Variants in CTNNA3 observed in about 807,000 individuals in gnomAD.
CTNNA3 encodes the protein catenin alpha-3.
A neutral mutation model predicts 95.7 loss-of-function variants in CTNNA3; 76 were observed. That is an observed-to-expected ratio of 0.79 (90% CI 0.66 to 0.96). The LOEUF (loss-of-function observed/expected upper bound fraction) is 0.96, where lower values mean the gene tolerates loss of function less well. Ranked by LOEUF, CTNNA3 falls within the 40% of genes least tolerant of loss-of-function variation. CTNNA3 has a pLI of 0.00. For missense variants in CTNNA3, 1,191 were observed against 1,089.8 expected (o/e 1.09, Z -1.31); for synonymous variants, 431 against 374.4 (o/e 1.15, Z -1.74).
At chr10:66,033,128 TTTTTTTC>T (rs1234608455) in intron 15 of CTNNA3, among the ~76,000 whole-genome samples, 1 of 68,002 alleles carries the variant, frequency 1.5e-5, no homozygotes, top group Non-Finnish European at 3.2e-5. Flanking sequence ...TTTTTTTTTC[TTTTTTTC>T]TTTTTTTTTT....
chr10:66,453,557 C>A (rs72791554), intron 11 of CTNNA3, among the ~76,000 whole-genome samples: 40,334 of 152,102 alleles, frequency 0.27, 5,514 homozygotes, highest in South Asian at 0.39. Flanking sequence ...TGATTGTGAA[C>A]CCCTGGCATC....
chr10:67,213,413 T>C (rs1280361711), intron 6 of CTNNA3, among the ~76,000 whole-genome samples: 1 of 151,880 alleles, frequency 6.6e-6, no homozygotes, highest in East Asian at 1.9e-4. Flanking sequence ...TTGGCTTTGT[T>C]GAACTTCTCT....
At chr10:67,271,477 T>C (rs1838971719) in intron 5 of CTNNA3, among the ~76,000 whole-genome samples, 1 of 152,180 alleles carries the variant, frequency 6.6e-6, no homozygotes, top group African/African-American at 2.4e-5. Context: ...TCCAGCAATG[T>C]GGAACTGTGA....
In CTNNA3 at chr10:67,437,388, T is replaced by C. The variant is rs191205157; in HGVS notation, c.579+84454A>G. 2.1e-3 allele frequency among the ~76,000 whole-genome samples: 322 copies of C among 152,214 alleles called. 2 individuals are homozygous for C. Among genetic ancestry groups the C allele is most frequent in the Middle Eastern group, 6.8e-3 (2 of 294 alleles). On this transcript the variant is annotated intron_variant, in intron 5 of 17. Transcript: ENST00000433211. ...GGTGCAGTGTATACTGCTTGGGTGA[T>C]GGGTGCACCAAAATCTCACAAATCA...
chr10:66,481,748 G>A (rs1364271769), intron 11 of CTNNA3, among the ~76,000 whole-genome samples: 1 of 134,462 alleles, frequency 7.4e-6, no homozygotes, highest in Non-Finnish European at 1.5e-5. Context: ...TGGGATTACA[G>A]GCGTGAGCCA....
chr10:67,255,465 T>A (rs1866308296), intron 5 of CTNNA3, among the ~76,000 whole-genome samples: 2 of 152,202 alleles, frequency 1.3e-5, no homozygotes, highest in Non-Finnish European at 2.9e-5. Flanking sequence ...ATGTTTCTTC[T>A]ATGTATTACA....
At chr10:66,180,530 C>T (rs1319435796) in intron 13 of CTNNA3, among the ~76,000 whole-genome samples, 4 of 152,002 alleles carry the variant, frequency 2.6e-5, no homozygotes, top group Non-Finnish European at 5.9e-5. Flanking sequence ...AGATACAAAA[C>T]CAATTTCTCC....
intron 10 of CTNNA3, among the ~76,000 whole-genome samples, chr10:66,603,285 C>A (rs1348287880): frequency 1.3e-5 from 2 of 151,946 alleles, no homozygotes; most frequent in African/African-American, 4.8e-5. Flanking sequence ...AGTGTGTCTG[C>A]AAACTAACAG....
intron 5 of CTNNA3, among the ~76,000 whole-genome samples, chr10:67,433,234 G>GGA (rs1227562471): frequency 6.6e-6 from 1 of 151,988 alleles, no homozygotes; most frequent in Non-Finnish European, 1.5e-5. Flanking sequence ...GGAGGCCCAA[G>GGA]GAGAGAGACA....
intron 1 of CTNNA3, among the ~76,000 whole-genome samples, chr10:67,731,396 G>A (rs1194028155): frequency 6.6e-6 from 1 of 152,064 alleles, no homozygotes; most frequent in African/African-American, 2.4e-5. Flanking sequence ...CAGCAGAATC[G>A]GTTGAACCTG....
At chr10:67,199,036 AAAT>A (rs1166641155) in intron 6 of CTNNA3, among the ~76,000 whole-genome samples, 1 of 152,038 alleles carries the variant, frequency 6.6e-6, no homozygotes, top group East Asian at 1.9e-4. Flanking sequence ...GATGTAAAAA[AAAT>A]AAGGTAAAGG....
At chr10:67,602,279 T>C (rs1297780796) in intron 3 of CTNNA3, among the ~76,000 whole-genome samples, 1 of 152,206 alleles carries the variant, frequency 6.6e-6, no homozygotes, top group Non-Finnish European at 1.5e-5. Context: ...CCATTCTTCT[T>C]ATACTTCAAC....
chr10:67,202,772 T>C (rs192118224), intron 6 of CTNNA3, among the ~76,000 whole-genome samples: 26 of 152,134 alleles, frequency 1.7e-4, no homozygotes, highest in African/African-American at 4.8e-4. Flanking sequence ...AAAACTGTAA[T>C]ATCACTTTAC....
intron 13 of CTNNA3, among the ~76,000 whole-genome samples, chr10:66,252,568 T>C (rs997593869): frequency 9.9e-5 from 15 of 152,216 alleles, no homozygotes; most frequent in Non-Finnish European, 2.1e-4. Flanking sequence ...ATCAATGCTA[T>C]CATGTACAGG....
At chr10:67,314,981 A>T (rs1442261162) in intron 5 of CTNNA3, among the ~76,000 whole-genome samples, 3 of 152,272 alleles carry the variant, frequency 2.0e-5, no homozygotes, top group Middle Eastern at 3.4e-3. Context: ...TTTGTCCTTG[A>T]GATTTCAAGT....
intron 4 of CTNNA3, 126 bp downstream of exon 4, chr10:67,539,377 G>C (rs543808717): frequency 1.0e-6 from 1 of 978,390 alleles, no homozygotes; most frequent in East Asian, 2.6e-5. Context: ...AGTCTAGTCT[G>C]CTTCTGAAGG....
At chr10:66,102,699 CAGTGGTGGTGGTGGT>C (rs1184781101) in intron 14 of CTNNA3, among the ~76,000 whole-genome samples, 9 of 151,404 alleles carry the variant, frequency 5.9e-5, no homozygotes, top group African/African-American at 2.2e-4. Flanking sequence ...GTGGTGGTGG[CAGTGGTGGTGGTGGT>C]GGTGGGGTGT....
intron 5 of CTNNA3, among the ~76,000 whole-genome samples, chr10:67,293,251 T>C (rs561607061): frequency 6.6e-6 from 1 of 152,176 alleles, no homozygotes; most frequent in Non-Finnish European, 1.5e-5. Flanking sequence ...TAGAAGGTAG[T>C]TGGAAGGAGC....
At chr10:67,762,846 T>C (rs1841469603) in intron 1 of CTNNA3, among the ~76,000 whole-genome samples, 1 of 152,198 alleles carries the variant, frequency 6.6e-6, no homozygotes, top group Non-Finnish European at 1.5e-5. Flanking sequence ...TATCCTATTC[T>C]GTTCCATTCT....
Sources: gnomAD v4.1 joint callset for allele counts (sites outside exome capture counted in the v4.1 genomes callset) on GRCh38, gnomAD v4.1.1 for gene constraint, MANE v1.5 for transcripts, NCBI Gene and HGNC (gene_info 2026-07-23, HGNC 2026-07-21) for gene names.